Variants in TPO observed in about 807,000 individuals in gnomAD.
TPO encodes thyroid microsomal antigen.
A neutral mutation model predicts 96.9 loss-of-function variants in TPO; 78 were observed. That is an observed-to-expected ratio of 0.81 (90% CI 0.67 to 0.97). The LOEUF (loss-of-function observed/expected upper bound fraction) is 0.97, where lower values mean the gene tolerates loss of function less well. TPO is among the 50% of genes least tolerant of loss of function. The pLI is 0.00. For synonymous variants in TPO, 547 were observed against 538.0 expected (o/e 1.02, Z -0.23); for missense variants, 1,252 against 1,274.8 (o/e 0.98, Z 0.27).
rs1339092084 is a variant in TPO, at chr2:1,531,894, T to A, written c.2619-8700T>A. On this transcript the variant is annotated intron_variant, in intron 15 of 16. Coordinates refer to ENST00000329066, the MANE Select transcript of TPO (RefSeq NM_001206744.2). ...GTGCAACCTCCTCAAATCACCCTACTGTGTGCAACCTCCTCAAATCACCCC... is the reference window on the plus strand; with the variant it reads ...GTGCAACCTCCTCAAATCACCCTACAGTGTGCAACCTCCTCAAATCACCCC... 4.3e-5 allele frequency among the ~76,000 whole-genome samples: 4 copies of A among 92,012 alleles called. 1 individual carries two copies. Among genetic ancestry groups the A allele is most frequent in the Non-Finnish European group, 8.9e-5 (4 of 44,938 alleles). The allele number at this position is 92,012 out of a possible 152,430, so 60.4% of individuals were successfully genotyped here.
chr2:1,439,595 A>G (rs1033700518), intron 5 of TPO, among the ~76,000 whole-genome samples: 1 of 152,034 alleles, frequency 6.6e-6, no homozygotes, highest in African/African-American at 2.4e-5. Context: ...ACCTCTTTGC[A>G]TCTTCCACAA....
intron 16 of TPO, 47 bp from the exon 17 acceptor site, chr2:1,542,374 G>A (rs986056642): frequency 5.0e-6 from 8 of 1,611,266 alleles, no homozygotes; most frequent in Admixed American, 1.7e-5. Context: ...TGTTACTGGA[G>A]CAGTCAGAAT....
chr2:1,393,504 G>T (rs1041491897), intron 1 of TPO, among the ~76,000 whole-genome samples: 7 of 152,222 alleles, frequency 4.6e-5, no homozygotes, highest in Non-Finnish European at 8.8e-5. Flanking sequence ...GGCTGGTCAG[G>T]TGGGGGACCC....
chr2:1,503,937 GTGTC>G lies in TPO; in HGVS notation c.2387-8_2387-5del. On this transcript the variant is annotated splice_polypyrimidine_tract_variant and splice_region_variant and intron_variant, in intron 13 of 16. Coordinates refer to ENST00000329066, the MANE Select transcript of TPO (RefSeq NM_001206744.2). ...CTTCCTCTCACGTGTGTGGCCTTGT[GTGTC>G]TGGCAGATGTGAACGAGTGTGCAGA... 1.9e-6 allele frequency: 3 copies of G among 1,614,158 alleles called. No homozygotes were observed. Among genetic ancestry groups the G allele is most frequent in the Non-Finnish European group, 2.5e-6 (3 of 1,180,038 alleles).
At chr2:1,534,617 G>C (rs1486912062) in intron 15 of TPO, among the ~76,000 whole-genome samples, 1 of 147,076 alleles carries the variant, frequency 6.8e-6, no homozygotes, top group Non-Finnish European at 1.5e-5. Flanking sequence ...GCGCCACTGT[G>C]TGCAACCTCC....
chr2:1,422,760 A>G (rs1241704689), intron 2 of TPO, among the ~76,000 whole-genome samples: 8 of 152,210 alleles, frequency 5.3e-5, no homozygotes, highest in Admixed American at 2.0e-4. Flanking sequence ...TGTTCAGAAC[A>G]AAAGTTATTC....
Position 1,516,939 on chromosome 2 carries a change from A to T in TPO, c.2575A>T (p.Ile859Phe), listed in dbSNP as rs753144060. The T allele has an allele frequency of 6.2e-7, 1 of 1,613,982 alleles. No individual in the cohort carries two copies. Among genetic ancestry groups the T allele is most frequent in the African/African-American group, 1.3e-5 (1 of 75,050 alleles). The change falls in exon 15 of 17, where the codon ATC becomes TTC. Residue 859 changes from isoleucine to phenylalanine, a missense_variant. Ile to Phe is a conservative substitution (Grantham distance 21, BLOSUM62 0). Coordinates refer to ENST00000329066, the MANE Select transcript of TPO (RefSeq NM_001206744.2). ...CTCCATGTCGCTGGCTGCTCTGCTG[A>T]TCGGAGGCTTCGCAGGTCTCACCTC... is the stretch of plus-strand genomic sequence containing the variant. The part of the protein sequence containing the change: ...WISMSLAALL[I>F]GGFAGLTSTV...
chr2:1,502,342 G>A (rs373113502), intron 13 of TPO, among the ~76,000 whole-genome samples: 6 of 152,232 alleles, frequency 3.9e-5, no homozygotes, highest in East Asian at 1.9e-4. Context: ...ATTAACAGCC[G>A]ATAGTCAATA....
chr2:1,380,176 T>G (rs192484091), intron 1 of TPO, among the ~76,000 whole-genome samples: 1 of 151,970 alleles, frequency 6.6e-6, no homozygotes, highest in Non-Finnish European at 1.5e-5. Flanking sequence ...GGGCGGATCA[T>G]GAGGTCAGGA....
At chr2:1,409,400 T>C (rs1662293661), upstream of TPO, among the ~76,000 whole-genome samples, 1 of 152,240 alleles carries the variant, frequency 6.6e-6, no homozygotes, top group African/African-American at 2.4e-5. Context: ...GAATAATTTT[T>C]CAAATTTTAC....
At chr2:1,438,989 C>G in intron 5 of TPO, 1 of 610,512 alleles carries the variant, frequency 1.6e-6, no homozygotes, top group Non-Finnish European at 3.0e-6. Context: ...AGAGCCTGAA[C>G]CTTTCTTTGG....
chr2:1,484,882 T>G (rs1209090949), intron 9 of TPO, 28 bp downstream of exon 9: 9 of 1,612,950 alleles, frequency 5.6e-6, no homozygotes, highest in Non-Finnish European at 7.6e-6. Flanking sequence ...CTGCAGCTGG[T>G]CCCCATGAAC....
intron 1 of TPO, among the ~76,000 whole-genome samples, chr2:1,383,817 T>A (rs1661847419): frequency 1.3e-5 from 2 of 152,212 alleles, no homozygotes; most frequent in Non-Finnish European, 1.5e-5. Flanking sequence ...TCCTGAATGG[T>A]ATTGCCTAGG....
chr2:1,485,732 G>A (rs781184303), intron 9 of TPO, among the ~76,000 whole-genome samples: 9 of 152,014 alleles, frequency 5.9e-5, no homozygotes, highest in East Asian at 3.9e-4. Context: ...CATATCCTTC[G>A]CCCACTTTTT....
At chr2:1,515,943 T>C (rs1674657305) in intron 14 of TPO, among the ~76,000 whole-genome samples, 1 of 152,110 alleles carries the variant, frequency 6.6e-6, no homozygotes, top group African/African-American at 2.4e-5. Flanking sequence ...TATTTAAAAG[T>C]CAGTTTTCGT....
At chr2:1,512,310 T>C (rs895930069) in intron 14 of TPO, 77 of 759,260 alleles carry the variant, frequency 1.0e-4, no homozygotes, top group Admixed American at 8.8e-4. Flanking sequence ...AATGTGTCTC[T>C]AGAGTTGAGA....
chr2:1,501,003 G>A (rs1672822293), intron 13 of TPO, among the ~76,000 whole-genome samples: 1 of 150,762 alleles, frequency 6.6e-6, no homozygotes, highest in African/African-American at 2.4e-5. Context: ...CAAATGCATT[G>A]CAGTGAGTCT....
At chr2:1,384,520 T>G (rs551514217) in intron 1 of TPO, among the ~76,000 whole-genome samples, 54 of 152,198 alleles carry the variant, frequency 3.5e-4, no homozygotes, top group African/African-American at 1.3e-3. Context: ...TTTGTGTGTT[T>G]TTGGTGTATA....
intron 1 of TPO, among the ~76,000 whole-genome samples, chr2:1,383,900 T>C (rs552343404): frequency 9.2e-5 from 14 of 152,340 alleles, no homozygotes; most frequent in African/African-American, 2.6e-4. Flanking sequence ...TTGTATAATG[T>C]GTAAGGAAAG....
Sources: allele counts gnomAD v4.1 joint callset (sites outside exome capture counted in the v4.1 genomes callset), GRCh38; gene constraint gnomAD v4.1.1; transcripts MANE v1.5; gene names NCBI Gene and HGNC (gene_info 2026-07-23, HGNC 2026-07-21).